CYP2C18: variants seen among roughly 807,000 people sequenced by gnomAD.
The protein encoded by CYP2C18 is cytochrome P450 family 2 subfamily C member 18, also known as cytochrome P450 2C18.
In CYP2C18, 38 loss-of-function variants were observed where a neutral mutation model predicts 41.3. The observed-to-expected ratio is 0.92, with a 90% CI of 0.71 to 1.21. The LOEUF is 1.21. CYP2C18 is among the 50% of genes most tolerant of loss of function. The pLI, the probability that CYP2C18 is intolerant of heterozygous loss-of-function variation, is 0.00. For synonymous variants in CYP2C18, 236 were observed against 210.0 expected (o/e 1.12, Z -1.07); for missense variants, 635 against 591.4 (o/e 1.07, Z -0.77).
chr10:94,713,363 G>T (rs1847475518), intron 5 of CYP2C18, among the ~76,000 whole-genome samples: 1 of 149,870 alleles, frequency 6.7e-6, no homozygotes, highest in African/African-American at 2.5e-5. Flanking sequence ...CCCCGTGTGT[G>T]ATGTTCCCCT....
intron 6 of CYP2C18, among the ~76,000 whole-genome samples, 166 bp from the exon 7 acceptor site, chr10:94,724,180 T>C (rs1247071964): frequency 1.3e-5 from 2 of 151,870 alleles, no homozygotes; most frequent in African/African-American, 4.8e-5. Flanking sequence ...GAGAGTTGGA[T>C]GTATCTATAA....
chr10:94,734,223 C>T (rs762837075), intron 8 of CYP2C18, among the ~76,000 whole-genome samples: 1 of 152,076 alleles, frequency 6.6e-6, no homozygotes, highest in Admixed American at 6.6e-5. Flanking sequence ...TTCCAGAGCA[C>T]CTTGATCTCC....
chr10:94,710,310 A>C (rs984906115), intron 5 of CYP2C18, among the ~76,000 whole-genome samples: 1 of 152,176 alleles, frequency 6.6e-6, no homozygotes, highest in Non-Finnish European at 1.5e-5. Context: ...GGAAAGTGTC[A>C]GTTCTCCAGT....
intron 4 of CYP2C18, among the ~76,000 whole-genome samples, chr10:94,699,507 A>C (rs1847191422): frequency 6.6e-6 from 1 of 152,146 alleles, no homozygotes; most frequent in South Asian, 2.1e-4. Context: ...TCTATGACAA[A>C]CCCAAAGCTG....
chr10:94,688,974 A>C (rs1846948074), intron 3 of CYP2C18, among the ~76,000 whole-genome samples: 1 of 152,090 alleles, frequency 6.6e-6, no homozygotes, highest in South Asian at 2.1e-4. Flanking sequence ...TCTCACTAAC[A>C]TGTCTGGGGG....
rs191716720 is a variant in CYP2C18, at chr10:94,715,395, T to C, written c.820-5001T>C. Among the ~76,000 whole-genome samples the C allele has an allele frequency of 2.7e-3, 418 of 152,318 alleles. 1 individual carries two copies. Among genetic ancestry groups the C allele is most frequent in the Non-Finnish European group, 4.2e-3 (288 of 68,012 alleles). ...TTGAGAGTTTTTAGCATGAAGGTTT[T>C]TGAATTTTGTCAAAGGCCTTTTCTG... is the stretch of plus-strand genomic sequence containing the variant. On this transcript the variant is annotated intron_variant, in intron 5 of 8. Transcript: ENST00000285979.
chr10:94,690,856 A>G (rs890108932), intron 3 of CYP2C18, among the ~76,000 whole-genome samples: 2 of 152,244 alleles, frequency 1.3e-5, no homozygotes, highest in Non-Finnish European at 2.9e-5. Flanking sequence ...CCTGGGATGC[A>G]AGGCTGGTCC....
chr10:94,688,902 C>G (rs564628472), intron 3 of CYP2C18, among the ~76,000 whole-genome samples: 1 of 152,220 alleles, frequency 6.6e-6, no homozygotes, highest in African/African-American at 2.4e-5. Flanking sequence ...TTCTTTACAT[C>G]TTTTGGGCAT....
chr10:94,713,337 C>T (rs1242957637), intron 5 of CYP2C18, among the ~76,000 whole-genome samples: 1 of 151,966 alleles, frequency 6.6e-6, no homozygotes, highest in African/African-American at 2.4e-5. Context: ...CCCGCTCCCC[C>T]CACCCCACAA....
chr10:94,712,006 TAA>T (rs1847443862), intron 5 of CYP2C18, among the ~76,000 whole-genome samples: 1 of 126,726 alleles, frequency 7.9e-6, no homozygotes. Context: ...CATGCCCAAC[TAA>T]TTTTTTTTTT....
At chr10:94,696,622 T>C (rs191700776) in intron 4 of CYP2C18, among the ~76,000 whole-genome samples, 102 of 152,188 alleles carry the variant, frequency 6.7e-4, no homozygotes, top group Admixed American at 1.8e-3. Context: ...AGAACAAAGC[T>C]GGACAGAGAA....
chr10:94,686,747 A>C (rs767953774), intron 1 of CYP2C18, among the ~76,000 whole-genome samples: 3 of 152,208 alleles, frequency 2.0e-5, no homozygotes, highest in Non-Finnish European at 4.4e-5. Flanking sequence ...AAATAGTGGA[A>C]TAAAATAATG....
At chr10:94,696,018 A>G (rs1027028677) in intron 4 of CYP2C18, among the ~76,000 whole-genome samples, 1 of 152,198 alleles carries the variant, frequency 6.6e-6, no homozygotes, top group East Asian at 1.9e-4. Flanking sequence ...CCGCAGCTCA[A>G]GGAGGCCTGC....
At chr10:94,707,328 A>T (rs1847362173) in intron 5 of CYP2C18, among the ~76,000 whole-genome samples, 1 of 152,134 alleles carries the variant, frequency 6.6e-6, no homozygotes. Flanking sequence ...GCATGTCCTG[A>T]TGTTTGGTGT....
chr10:94,722,795 G>A (rs1370933744), intron 6 of CYP2C18, among the ~76,000 whole-genome samples: 2 of 152,004 alleles, frequency 1.3e-5, no homozygotes, highest in Admixed American at 6.6e-5. Context: ...AAAGAGTGAG[G>A]GGTTAAGTAA....
At chr10:94,704,988 C>G (rs1847313450) in intron 4 of CYP2C18, among the ~76,000 whole-genome samples, 1 of 151,938 alleles carries the variant, frequency 6.6e-6, no homozygotes, top group Non-Finnish European at 1.5e-5. Flanking sequence ...AGTCCTCAGA[C>G]AGGTGAGAAA....
At chr10:94,713,955 T>C (rs2134196494) in intron 5 of CYP2C18, among the ~76,000 whole-genome samples, 1 of 152,354 alleles carries the variant, frequency 6.6e-6, no homozygotes, top group South Asian at 2.1e-4. Flanking sequence ...TTTTCATGTG[T>C]CTGTTGGCTG....
At chr10:94,733,208 A>T in intron 7 of CYP2C18, 89 bp from the exon 8 acceptor site, 2 of 1,274,498 alleles carry the variant, frequency 1.6e-6, no homozygotes, top group Admixed American at 4.2e-5. Context: ...TTATCTATTG[A>T]TAAAAGAGAT....
In CYP2C18 at chr10:94,691,235, C is replaced by T. The variant is rs185050907; in HGVS notation, c.481+2961C>T. The stretch of plus-strand genomic sequence containing the variant: ...TTAGGAAAAGAGGAAGTCAAATTTT[C>T]GCTGTTTGCAGATAACATGATTGTA... On this transcript the variant is annotated intron_variant, in intron 3 of 8. Transcript: ENST00000285979. Among the ~76,000 whole-genome samples, 554 of 152,266 alleles carry T rather than the reference C, an allele frequency of 3.6e-3. 2 individuals are homozygous for T. The highest frequency in any genetic ancestry group is 0.013 in the African/African-American group (520 of 41,552).
Sources: allele counts gnomAD v4.1 joint callset (sites outside exome capture counted in the v4.1 genomes callset), GRCh38; gene constraint gnomAD v4.1.1; transcripts MANE v1.5; gene names NCBI Gene and HGNC (gene_info 2026-07-23, HGNC 2026-07-21).